Variants in NDUFV1 observed in about 807,000 individuals in gnomAD.
The protein encoded by NDUFV1 is NADH:ubiquinone oxidoreductase core subunit V1, also known as NADH dehydrogenase [ubiquinone] flavoprotein 1, mitochondrial.
Under a neutral mutation model 48.7 loss-of-function variants are expected in NDUFV1, and 41 were observed. That is an observed-to-expected ratio of 0.84 (90% CI 0.66 to 1.09). The LOEUF (loss-of-function observed/expected upper bound fraction) is 1.09, where lower values mean the gene tolerates loss of function less well. NDUFV1 is among the 50% of genes least tolerant of loss of function. The pLI, the probability that NDUFV1 is intolerant of heterozygous loss-of-function variation, is 0.00. For missense variants in NDUFV1, 580 were observed against 645.4 expected (o/e 0.90, Z 1.10); for synonymous variants, 231 against 259.1 (o/e 0.89, Z 1.04).
chr11:67,611,831 C>A lies in NDUFV1; in HGVS notation c.1081-66C>A. 6.3e-7 allele frequency: 1 copy of A among 1,582,462 alleles called. No individual in the cohort carries two copies. Among genetic ancestry groups the A allele is most frequent in the Non-Finnish European group, 8.7e-7 (1 of 1,152,608 alleles). ...TCTGGAACTGGGGGAGGGGCTGCTG[C>A]TAGGGGGCTGAGGCCCAGGCTTCTG... On this transcript the variant is annotated intron_variant, in intron 7 of 9. Transcript: ENST00000322776. This position sits in a 1 kb window ranked among gnomAD's most constrained non-coding sequence, Gnocchi z 4.2.
chr11:67,612,139 G>C lies in NDUFV1; in HGVS notation c.1182G>C (p.Lys394Asn). ...PCREGVDWMN[K>N]VMARFVRGDA... is the part of the protein sequence containing the mutation. ...CTGCAGGTGTGGACTGGATGAACAA[G>C]GTGATGGCACGTTTCGTGAGGGGGG... Residue 394 changes from lysine to asparagine, a missense_variant, in exon 9 of 10, where the codon AAG becomes AAC. Coordinates refer to ENST00000322776, the MANE Select transcript of NDUFV1 (RefSeq NM_007103.4). This position sits in a 1 kb window ranked among gnomAD's most constrained non-coding sequence, Gnocchi z 4.4. 5 of 1,613,778 alleles carry C rather than the reference G, an allele frequency of 3.1e-6. No individual in the cohort carries two copies. The highest frequency in any genetic ancestry group is 4.2e-6 in the Non-Finnish European group (5 of 1,179,952).
intron 1 of NDUFV1, chr11:67,607,439 G>T (rs1314318196): frequency 2.0e-6 from 1 of 501,290 alleles, no homozygotes; most frequent in African/African-American, 1.9e-5. Context: ...ACTGCTCTGC[G>T]CCCTGAAGTG....
At position 67,609,881 on chromosome 11, in the gene NDUFV1, A is replaced by G. The variant is rs1854879877; in HGVS notation, c.510+246A>G. ...AAAATATAGTATTTTTTATAAAACA[A>G]GTAGCAAGAAGAAAAAACCTAAGTG... On this transcript the variant is annotated intron_variant, in intron 4 of 9. Coordinates refer to ENST00000322776, the MANE Select transcript of NDUFV1 (RefSeq NM_007103.4). The G allele has an allele frequency of 8.3e-6, 4 of 484,848 alleles. No homozygotes were observed. In the East Asian group the frequency reaches 1.4e-4, roughly 17 times the overall value. The allele number at this position is 484,848 out of a possible 1,614,324, so 30.0% of individuals were successfully genotyped here.
intron 1 of NDUFV1, among the ~76,000 whole-genome samples, chr11:67,608,009 T>G (rs999418798): frequency 2.6e-5 from 4 of 152,062 alleles, no homozygotes; most frequent in African/African-American, 9.7e-5. Flanking sequence ...GGCGGATCGC[T>G]TGAGGTCAGG....
chr11:67,607,513 G>A, intron 1 of NDUFV1: 1 of 461,814 alleles, frequency 2.2e-6, no homozygotes, highest in Non-Finnish European at 4.3e-6. Flanking sequence ...TCTCCACTGG[G>A]TCGTGGGGCT....
rs1565226352 is a variant in NDUFV1, at chr11:67,612,330, AT to A, written c.1309-37del. On this transcript the variant is annotated intron_variant, in intron 9 of 9. Coordinates refer to ENST00000322776, the MANE Select transcript of NDUFV1 (RefSeq NM_007103.4). The surrounding 1 kb of genome is among the most constrained non-coding windows in gnomAD (Gnocchi z 4.4). Reference sequence around the variant, plus strand: ...CATCAAGGGCCCAGGGTGTTGGGGGATTTTTGGACTCTGTTTCACATGGTCC... The same window carrying A: ...CATCAAGGGCCCAGGGTGTTGGGGGATTTTGGACTCTGTTTCACATGGTCC... 6.2e-7 allele frequency: 1 copy of A among 1,613,342 alleles called. No homozygotes were observed.
chr11:67,610,612 C>T (rs1026136003), intron 5 of NDUFV1, 42 bp downstream of exon 5: 4 of 1,607,606 alleles, frequency 2.5e-6, no homozygotes, highest in Non-Finnish European at 3.4e-6. Context: ...TGTCCTGTGA[C>T]ACCCGGGATC....
intron 3 of NDUFV1, 23 bp from the exon 4 acceptor site, chr11:67,609,429 G>A: frequency 6.2e-7 from 1 of 1,612,696 alleles, no homozygotes; most frequent in Non-Finnish European, 8.5e-7. Context: ...CCTGTAGCCT[G>A]TCTGACCTGT....
rs370659400 is a variant in NDUFV1, at chr11:67,612,484, C to T, written c.*26C>T. Reference sequence around the variant, plus strand: ...CCCACCACCCTGGCCTGCTGTCCTGCGTCTATCCATGTGGAATGCTGGACA... The same window carrying T: ...CCCACCACCCTGGCCTGCTGTCCTGTGTCTATCCATGTGGAATGCTGGACA... On this transcript the variant is annotated 3_prime_UTR_variant, in exon 10 of 10. Coordinates refer to ENST00000322776, the MANE Select transcript of NDUFV1 (RefSeq NM_007103.4). This position sits in a 1 kb window ranked among gnomAD's most constrained non-coding sequence, Gnocchi z 4.4. The T allele has an allele frequency of 1.2e-5, 20 of 1,604,062 alleles. No individual in the cohort carries two copies. The highest frequency in any genetic ancestry group is 6.7e-5 in the African/African-American group (5 of 74,704).
intron 1 of NDUFV1, 94 bp from the exon 2 acceptor site, chr11:67,608,302 C>T: frequency 1.7e-6 from 2 of 1,208,932 alleles, no homozygotes; most frequent in Non-Finnish European, 2.5e-6. Context: ...AGCCCAGCCC[C>T]TCCTAAATAG....
rs942943697 is a variant in NDUFV1, at chr11:67,606,936, A to G, written c.-69A>G. 6.5e-7 allele frequency: 1 copy of G among 1,533,348 alleles called. No homozygotes were observed. The highest frequency in any genetic ancestry group is 1.9e-5 in the Admixed American group (1 of 52,294). The allele number at this position is 1,533,348 out of a possible 1,614,324, so 95.0% of individuals were successfully genotyped here. A position where few individuals can be genotyped will look rare whatever the true frequency, so the allele number is the denominator to read the frequency against. On this transcript the variant is annotated 5_prime_UTR_variant, in exon 1 of 10. Coordinates refer to ENST00000322776, the MANE Select transcript of NDUFV1 (RefSeq NM_007103.4). ...TTCCTGCGCGCCACCTAGCGTCTCT[A>G]TCGCGCCAGTTCCTCAGCCTCAGTG...
rs773368756 is a variant in NDUFV1 at position 67,609,624 on chromosome 11, T to G, written c.499T>G (p.Ser167Ala). 19 of 1,604,560 alleles carry G rather than the reference T, an allele frequency of 1.2e-5. No homozygotes were observed. The Admixed American group carries it at 3.2e-4, about 27-fold the overall frequency. Residue 167 changes from serine to alanine, a missense_variant, in exon 4 of 10, where the codon TCC (serine) becomes GCC (alanine). Ser to Ala is a moderately conservative substitution (Grantham distance 99). Coordinates refer to ENST00000322776, the MANE Select transcript of NDUFV1 (RefSeq NM_007103.4). Reference protein sequence around the residue: ...YIRGEFYNEASNLQVAIREAY... With the variant: ...YIRGEFYNEAANLQVAIREAY... ...CCGAGGGGAATTCTACAATGAGGCC[T>G]CCAATCTGCAGGTGGGTAGGGAGAG... is the stretch of plus-strand genomic sequence containing the variant.
chr11:67,607,346 T>A (rs1183794760), intron 1 of NDUFV1: 1 of 655,094 alleles, frequency 1.5e-6, no homozygotes, highest in Admixed American at 2.1e-5. Context: ...CCCTAGTCTT[T>A]CATTCTCTCC....
At chr11:67,608,225 C>CAAA (rs11413867) in intron 1 of NDUFV1, 171 bp from the exon 2 acceptor site, 254 of 576,268 alleles carry the variant, frequency 4.4e-4, no homozygotes, top group African/African-American at 2.4e-3. Flanking sequence ...GAGTCTGTCT[C>CAAA]AAAAAAAAAA....
chr11:67,612,201 TC>T lies in NDUFV1; in HGVS notation c.1245del (p.Ser416AlafsTer4), dbSNP rs900082361. On this transcript the variant is annotated frameshift_variant, in exon 9 of 10. Coordinates refer to ENST00000322776, the MANE Select transcript of NDUFV1 (RefSeq NM_007103.4). LOFTEE classifies it high-confidence loss of function. The surrounding 1 kb of genome is among the most constrained non-coding windows in gnomAD (Gnocchi z 4.4). ...GCCGAGATCGACTCCCTGTGGGAGA[TC>T]AGCAAGCAGATAGAAGGCCATACGA... ...RPAEIDSLWE[I>X]SKQIEGHTIC... 1.9e-6 allele frequency: 3 copies of T among 1,612,770 alleles called. No homozygotes were observed. The highest frequency in any genetic ancestry group is 2.5e-6 in the Non-Finnish European group (3 of 1,179,786).
At position 67,611,015 on chromosome 11, in the gene NDUFV1, A is replaced by G. The variant is rs1317747927; in HGVS notation, c.721A>G (p.Thr241Ala). 6 of 1,614,104 alleles carry G rather than the reference A, an allele frequency of 3.7e-6. No individual in the cohort carries two copies. Among genetic ancestry groups the G allele is most frequent in the Admixed American group, 1.7e-5 (1 of 60,014 alleles). Residue 241 changes from threonine (T) to alanine (A), a missense_variant, in exon 6 of 10, where the codon ACT (threonine) becomes GCT (alanine). Thr to Ala is a moderately conservative substitution (Grantham distance 58). Coordinates refer to ENST00000322776, the MANE Select transcript of NDUFV1 (RefSeq NM_007103.4). This position sits in a 1 kb window ranked among gnomAD's most constrained non-coding sequence, Gnocchi z 4.2. ...TGAAGGAGTGTTTGGCTGCCCCACA[A>G]CTGTGGCCAACGTGGAGACAGTGGC... The part of the protein sequence containing the change: ...ADVGVFGCPT[T>A]VANVETVAVS...
chr11:67,610,477 G>A lies in NDUFV1; in HGVS notation c.607G>A (p.Ala203Thr). The A allele has an allele frequency of 6.2e-7, 1 of 1,614,194 alleles. No homozygotes were observed. The highest frequency in any genetic ancestry group is 8.5e-7 in the Non-Finnish European group (1 of 1,180,024). Reference protein sequence around the residue: ...FDVFVVRGAGAYICGEETALI... With the variant: ...FDVFVVRGAGTYICGEETALI... ...CGTGTTTGTGGTGCGCGGGGCTGGGGCCTACATCTGTGGAGAGGAGACAGC... is the reference window on the plus strand; with the variant it reads ...CGTGTTTGTGGTGCGCGGGGCTGGGACCTACATCTGTGGAGAGGAGACAGC... The change falls in exon 5 of 10, where the codon GCC becomes ACC. Residue 203 changes from alanine (A) to threonine (T), a missense_variant. Transcript: ENST00000322776.
In NDUFV1 at chr11:67,612,206, AAG is replaced by A. The variant is rs754173275; in HGVS notation, c.1250_1251del (p.Lys417ThrfsTer12). 1 of 1,613,726 alleles carries A rather than the reference AAG, an allele frequency of 6.2e-7. No individual in the cohort carries two copies. Among genetic ancestry groups the A allele is most frequent in the African/African-American group, 1.3e-5 (1 of 74,910 alleles). On this transcript the variant is annotated frameshift_variant, in exon 9 of 10. Transcript: ENST00000322776. LOFTEE classifies it high-confidence loss of function. The surrounding 1 kb of genome is among the most constrained non-coding windows in gnomAD (Gnocchi z 4.4). ...GATCGACTCCCTGTGGGAGATCAGC[AAG>A]CAGATAGAAGGCCATACGATTTGTG... Reference protein sequence around the residue: ...AEIDSLWEISKQIEGHTICAL... With the variant: ...AEIDSLWEISXQIEGHTICAL...
At chr11:67,608,269 G>A (rs1854847015) in intron 1 of NDUFV1, 127 bp from the exon 2 acceptor site, 9 of 864,096 alleles carry the variant, frequency 1.0e-5, no homozygotes, top group Non-Finnish European at 1.4e-5. Flanking sequence ...TATCTATGAT[G>A]CTATAGATGC....
Sources: allele counts gnomAD v4.1 joint callset (sites outside exome capture counted in the v4.1 genomes callset), GRCh38; gene constraint gnomAD v4.1.1; non-coding constraint Gnocchi (gnomAD v3.1); transcripts MANE v1.5; gene names NCBI Gene and HGNC (gene_info 2026-07-23, HGNC 2026-07-21).